RGMB: variants seen among roughly 807,000 people sequenced by gnomAD.
The protein encoded by RGMB is repulsive guidance molecule B.
A neutral mutation model predicts 26.9 loss-of-function variants in RGMB; 16 were observed. The ratio of observed to expected loss-of-function variants is 0.60; its 90% confidence interval spans 0.40 to 0.90. The LOEUF (loss-of-function observed/expected upper bound fraction) is 0.90, where lower values mean the gene tolerates loss of function less well. Ranked by LOEUF, RGMB falls within the 40% of genes least tolerant of loss-of-function variation. The probability of loss-of-function intolerance (pLI) is 0.00; values close to 1 mark genes in which losing one functional copy is unlikely to be tolerated. For missense variants in RGMB, 512 were observed against 573.3 expected (o/e 0.89, Z 1.09); for synonymous variants, 225 against 229.3 (o/e 0.98, Z 0.17).
chr5:98,793,048 C>T, intron 2 of RGMB, 37 bp from the exon 3 acceptor site: 3 of 1,518,662 alleles, frequency 2.0e-6, no homozygotes, highest in Non-Finnish European at 2.7e-6. Context: ...TGCTTCCTTC[C>T]CATTCTGTTA....
In RGMB at chr5:98,773,915, G is replaced by A; in HGVS notation, c.-156G>A. On this transcript the variant is annotated 5_prime_UTR_variant, in exon 1 of 3. Coordinates refer to ENST00000513185, the MANE Select transcript of RGMB (RefSeq NM_001366508.1). ...GCGCCGGCTGCGCGCTGCTTGCTGC[G>A]GCGGTGGTGGCGCCCCATCTGCTAC... is the stretch of plus-strand genomic sequence containing the variant. 1 of 546,390 alleles carries A rather than the reference G, an allele frequency of 1.8e-6. No homozygotes were observed. Among genetic ancestry groups the A allele is most frequent in the Non-Finnish European group, 3.2e-6 (1 of 310,336 alleles). 33.8% of individuals were successfully genotyped at this position (546,390 alleles called of 1,614,324 possible). A position where few individuals can be genotyped will look rare whatever the true frequency, so the allele number is the denominator to read the frequency against.
In RGMB at chr5:98,793,404, TCG is replaced by T. The variant is rs757357437; in HGVS notation, c.966_967del (p.Asp323Ter). The T allele has an allele frequency of 1.2e-6, 2 of 1,612,872 alleles. No homozygotes were observed. The highest frequency in any genetic ancestry group is 1.7e-6 in the Non-Finnish European group (2 of 1,179,544). On this transcript the variant is annotated frameshift_variant, in exon 3 of 3. Coordinates refer to ENST00000513185, the MANE Select transcript of RGMB (RefSeq NM_001366508.1). LOFTEE classifies it high-confidence loss of function. ...AACGGCTGCCCCCTGAGTGAACGCA[TCG>T]ATGACGGGCAGGGCCAGGTGTCTGC...
chr5:98,774,953 A>G lies in RGMB; in HGVS notation c.136+747A>G, dbSNP rs535685250. 7.9e-5 allele frequency among the ~76,000 whole-genome samples: 12 copies of G among 151,558 alleles called. 1 individual carries two copies. The South Asian group carries it at 2.3e-3, about 29-fold the overall frequency. On this transcript the variant is annotated intron_variant, in intron 1 of 2. Transcript: ENST00000513185. Reference sequence around the variant, plus strand: ...GCAAATGAGCCTTCTACCATGTGATACCTATTTTTCTTTTTAAAAAATCGT... The same window carrying G: ...GCAAATGAGCCTTCTACCATGTGATGCCTATTTTTCTTTTTAAAAAATCGT...
upstream of RGMB, among the ~76,000 whole-genome samples, chr5:98,771,366 A>C (rs1267114933): frequency 1.3e-5 from 2 of 152,120 alleles, no homozygotes; most frequent in Non-Finnish European, 1.5e-5. Flanking sequence ...GTACAATATA[A>C]AGTCGTTTGT....
rs1323503008 is a variant in RGMB at position 98,793,125 on chromosome 5, A to C, written c.686A>C (p.Gln229Pro). The change falls in exon 3 of 3, where the codon CAG becomes CCG. Residue 229 changes from glutamine (Q) to proline (P), a missense_variant. Transcript: ENST00000513185. ...IFKAHHECTD[Q>P]KVYQAVTDDL... is the part of the protein sequence containing the mutation. The stretch of plus-strand genomic sequence containing the variant: ...AAAGCCCACCATGAGTGTACAGATC[A>C]GAAAGTCTACCAAGCTGTGACAGAT... 3 of 1,613,700 alleles carry C rather than the reference A, an allele frequency of 1.9e-6. No homozygotes were observed. The Admixed American group carries it at 5.0e-5, about 27-fold the overall frequency.
Position 98,777,253 on chromosome 5 carries a change from G to A in RGMB, c.137-2327G>A, listed in dbSNP as rs146064946. On this transcript the variant is annotated intron_variant, in intron 1 of 2. Coordinates refer to ENST00000513185, the MANE Select transcript of RGMB (RefSeq NM_001366508.1). ...CTATTTGAAATAATTATAAAGAAACGTATGCTCGGATAGATTTTATAGACC... is the reference window on the plus strand; with the variant it reads ...CTATTTGAAATAATTATAAAGAAACATATGCTCGGATAGATTTTATAGACC... Among the ~76,000 whole-genome samples the A allele has an allele frequency of 3.8e-3, 572 of 152,172 alleles. 3 individuals are homozygous for A. The highest frequency in any genetic ancestry group is 0.013 in the African/African-American group (532 of 41,498).
upstream of RGMB, chr5:98,769,927 G>A (rs115105347): frequency 7.8e-3 from 1,194 of 152,646 alleles, 10 homozygotes; most frequent in African/African-American, 0.027. Context: ...TGTGTGCAGG[G>A]CTGGCGCTCC....
chr5:98,774,652 G>C (rs1746333741), intron 1 of RGMB, among the ~76,000 whole-genome samples: 1 of 152,238 alleles, frequency 6.6e-6, no homozygotes, highest in Non-Finnish European at 1.5e-5. Context: ...GGGGGTGGCG[G>C]CGAGGCGAAG....
At chr5:98,783,015 C>T (rs1193455541) in intron 2 of RGMB, among the ~76,000 whole-genome samples, 1 of 152,214 alleles carries the variant, frequency 6.6e-6, no homozygotes, top group Non-Finnish European at 1.5e-5. Flanking sequence ...GATGTTGCCT[C>T]ATCTCCCCTG....
At chr5:98,774,425 C>T (rs901005511) in intron 1 of RGMB, among the ~76,000 whole-genome samples, 4 of 152,242 alleles carry the variant, frequency 2.6e-5, no homozygotes, top group African/African-American at 4.8e-5. Context: ...CTTCTCTCCA[C>T]CCTCCCCGCC....
At position 98,796,399 on chromosome 5, in the gene RGMB, T is replaced by C. The variant is rs990843897; in HGVS notation, c.*2646T>C. 4.7e-5 allele frequency: 7 copies of C among 148,552 alleles called. No individual in the cohort carries two copies. The highest frequency in any genetic ancestry group is 1.8e-4 in the African/African-American group (7 of 39,942). 9.2% of individuals were successfully genotyped at this position (148,552 alleles called of 1,614,324 possible). A position where few individuals can be genotyped will look rare whatever the true frequency, so the allele number is the denominator to read the frequency against. On this transcript the variant is annotated 3_prime_UTR_variant, in exon 3 of 3. Transcript: ENST00000513185. ...AACCTTTAGATGTGGTTCATAGATA[T>C]ATGAATACGTATCTGTGTAAAACAG...
At chr5:98,774,295 C>A (rs1746309928) in intron 1 of RGMB, 89 bp downstream of exon 1, 1 of 1,262,980 alleles carries the variant, frequency 7.9e-7, no homozygotes, top group Non-Finnish European at 1.0e-6. Context: ...CTCGCCGGGG[C>A]GGAAGGGCGG....
At chr5:98,776,289 A>T (rs1428871406) in intron 1 of RGMB, among the ~76,000 whole-genome samples, 1 of 152,238 alleles carries the variant, frequency 6.6e-6, no homozygotes, top group Non-Finnish European at 1.5e-5. Flanking sequence ...AAAATAGAGA[A>T]ATCTGTAGCT....
chr5:98,793,020 C>T (rs1561447757), intron 2 of RGMB, 65 bp from the exon 3 acceptor site: 1 of 1,342,764 alleles, frequency 7.4e-7, no homozygotes, highest in Admixed American at 2.5e-5. Context: ...GCTCTTGCTA[C>T]AGAGGGTTAC....
intron 2 of RGMB, among the ~76,000 whole-genome samples, chr5:98,788,144 T>C (rs151008005): frequency 9.0e-4 from 137 of 152,320 alleles, no homozygotes; most frequent in Non-Finnish European, 1.1e-3. Context: ...TACCTCTTTT[T>C]AAGGTAGCTG....
upstream of RGMB, chr5:98,770,788 T>C (rs1746136637): frequency 6.7e-6 from 4 of 598,696 alleles, no homozygotes; most frequent in Non-Finnish European, 5.2e-6. Flanking sequence ...TAATAAACTT[T>C]CACTCTTGCT....
chr5:98,793,933 A>G lies in RGMB; in HGVS notation c.*180A>G. ...GTTTGGCTGTTTTCACATATGTTGGATGTAGTGTTCTTTGATTGTATCAAT... is the reference window on the plus strand; with the variant it reads ...GTTTGGCTGTTTTCACATATGTTGGGTGTAGTGTTCTTTGATTGTATCAAT... On this transcript the variant is annotated 3_prime_UTR_variant, in exon 3 of 3. Coordinates refer to ENST00000513185, the MANE Select transcript of RGMB (RefSeq NM_001366508.1). 5 of 542,462 alleles carry G rather than the reference A, an allele frequency of 9.2e-6. No homozygotes were observed. The South Asian group carries it at 1.5e-4, about 16-fold the overall frequency. The allele number at this position is 542,462 out of a possible 1,614,324, so 33.6% of individuals were successfully genotyped here. A position where few individuals can be genotyped will look rare whatever the true frequency, so the allele number is the denominator to read the frequency against.
At chr5:98,792,430 CA>C (rs1746957793) in intron 2 of RGMB, among the ~76,000 whole-genome samples, 1 of 152,100 alleles carries the variant, frequency 6.6e-6, no homozygotes, top group African/African-American at 2.4e-5. Flanking sequence ...TATAAATTAT[CA>C]ATAAAAATTG....
chr5:98,786,334 A>G (rs1321932615), intron 2 of RGMB, among the ~76,000 whole-genome samples: 3 of 152,212 alleles, frequency 2.0e-5, no homozygotes, highest in Admixed American at 6.5e-5. Context: ...CTGCTGCTTT[A>G]AAACAAATCC....
Sources: allele counts gnomAD v4.1 joint callset (sites outside exome capture counted in the v4.1 genomes callset), GRCh38; gene constraint gnomAD v4.1.1; transcripts MANE v1.5; gene names NCBI Gene and HGNC (gene_info 2026-07-23, HGNC 2026-07-21).